Variants in SIK2 observed in about 807,000 individuals in gnomAD.
The protein encoded by SIK2 is serine/threonine-protein kinase SIK2.
In SIK2, 29 loss-of-function variants were observed where a neutral mutation model predicts 103.2. That is an observed-to-expected ratio of 0.28 (90% confidence interval 0.21 to 0.38). The LOEUF (loss-of-function observed/expected upper bound fraction) is 0.38. Ranked by LOEUF, SIK2 falls within the 10% of genes least tolerant of loss-of-function variation. The probability of loss-of-function intolerance (pLI) is 1.00; values close to 1 mark genes in which losing one functional copy is unlikely to be tolerated. For synonymous variants in SIK2, 412 were observed against 446.1 expected (o/e 0.92, Z 0.96); for missense variants, 879 against 1,171.0 (o/e 0.75, Z 3.64).
At chr11:111,636,606 A>G (rs1445532951) in intron 3 of SIK2, among the ~76,000 whole-genome samples, 1 of 152,158 alleles carries the variant, frequency 6.6e-6, no homozygotes, top group African/African-American at 2.4e-5. Context: ...AGGGGAGGGT[A>G]AAGATGTGTT....
At chr11:111,653,363 C>A (rs1942352522) in intron 3 of SIK2, among the ~76,000 whole-genome samples, 1 of 152,220 alleles carries the variant, frequency 6.6e-6, no homozygotes, top group South Asian at 2.1e-4. Flanking sequence ...TTGAGAAAAA[C>A]AACGTTGTAT....
At chr11:111,687,760 C>A (rs1283082095) in intron 3 of SIK2, among the ~76,000 whole-genome samples, 1 of 151,822 alleles carries the variant, frequency 6.6e-6, no homozygotes, top group African/African-American at 2.4e-5. Flanking sequence ...CACCCGCCAC[C>A]ATGCCTGGCT....
chr11:111,609,449 G>C (rs776577893), intron 1 of SIK2, among the ~76,000 whole-genome samples: 28 of 152,004 alleles, frequency 1.8e-4, no homozygotes, highest in Admixed American at 3.9e-4. Context: ...AGCCTTCCAA[G>C]TAGCTGGAAC....
At chr11:111,658,792 T>A (rs1393038897) in intron 3 of SIK2, among the ~76,000 whole-genome samples, 1 of 152,016 alleles carries the variant, frequency 6.6e-6, no homozygotes, top group Admixed American at 6.6e-5. Context: ...CCATAGTGAT[T>A]ATTTTAAGAA....
rs913064012 is a variant in SIK2, at chr11:111,728,864, C to G, written c.*4735C>G. On this transcript the variant is annotated 3_prime_UTR_variant, in exon 15 of 15. Transcript: ENST00000304987. ...GCGTGAACCCGGGAGGTGGAGCTTG[C>G]AGTGAGCCAAGATCGTGCCACTGCA... is the stretch of plus-strand genomic sequence containing the variant. 6.7e-6 allele frequency: 1 copy of G among 149,102 alleles called. No homozygotes were observed. Among genetic ancestry groups the G allele is most frequent in the Non-Finnish European group, 1.5e-5 (1 of 67,738 alleles). The allele number at this position is 149,102 out of a possible 1,614,324, so 9.2% of individuals were successfully genotyped here.
intron 3 of SIK2, among the ~76,000 whole-genome samples, chr11:111,657,807 G>A (rs1942411753): frequency 6.6e-6 from 1 of 152,020 alleles, no homozygotes; most frequent in South Asian, 2.1e-4. Flanking sequence ...AAAGTTATGA[G>A]GTTTATATGA....
intron 3 of SIK2, among the ~76,000 whole-genome samples, chr11:111,668,179 AGTGTGT>A (rs112931431): frequency 3.3e-5 from 5 of 151,032 alleles, no homozygotes; most frequent in Non-Finnish European, 5.9e-5. Context: ...TAAAGTAAGG[AGTGTGT>A]GTGTGTGTGT....
intron 3 of SIK2, among the ~76,000 whole-genome samples, chr11:111,683,951 C>A (rs1351684372): frequency 2.6e-5 from 4 of 152,254 alleles, no homozygotes; most frequent in South Asian, 4.1e-4. Flanking sequence ...TTCAAGGATG[C>A]CTACACTGCA....
At chr11:111,661,293 T>C (rs1040717673) in intron 3 of SIK2, among the ~76,000 whole-genome samples, 12 of 152,202 alleles carry the variant, frequency 7.9e-5, no homozygotes, top group African/African-American at 2.9e-4. Flanking sequence ...GATTGACTGA[T>C]TGATTTTTTA....
At chr11:111,718,927 A>G (rs1943722244) in intron 9 of SIK2, 2 of 152,252 alleles carry the variant, frequency 1.3e-5, no homozygotes, top group African/African-American at 2.4e-5. Flanking sequence ...CACAACCCCC[A>G]TGCCAGTATG....
chr11:111,670,107 A>T (rs1223773199), intron 3 of SIK2, among the ~76,000 whole-genome samples: 1 of 152,198 alleles, frequency 6.6e-6, no homozygotes, highest in Non-Finnish European at 1.5e-5. Flanking sequence ...TGTAAATTAT[A>T]GTCACCCCAC....
At chr11:111,622,121 T>A (rs772709989) in intron 3 of SIK2, among the ~76,000 whole-genome samples, 1 of 152,082 alleles carries the variant, frequency 6.6e-6, no homozygotes, top group Non-Finnish European at 1.5e-5. Context: ...AATTATCTTT[T>A]CAAGAGATTT....
At chr11:111,630,282 A>G (rs377331422) in intron 3 of SIK2, among the ~76,000 whole-genome samples, 23 of 152,194 alleles carry the variant, frequency 1.5e-4, no homozygotes, top group East Asian at 9.6e-4. Context: ...ACACTAATGG[A>G]TAGTAATGAA....
At chr11:111,605,235 T>G (rs755951300) in intron 1 of SIK2, among the ~76,000 whole-genome samples, 3 of 152,170 alleles carry the variant, frequency 2.0e-5, no homozygotes, top group Admixed American at 6.5e-5. Flanking sequence ...AGTGCTGGGA[T>G]TACAGGCGTG....
chr11:111,610,807 T>G (rs1941713638), intron 1 of SIK2, among the ~76,000 whole-genome samples: 1 of 152,162 alleles, frequency 6.6e-6, no homozygotes, highest in Admixed American at 6.5e-5. Context: ...TTGTTCTGGG[T>G]TTTTTCTTAT....
intron 3 of SIK2, among the ~76,000 whole-genome samples, chr11:111,621,453 G>A (rs970622144): frequency 4.0e-5 from 6 of 151,524 alleles, no homozygotes; most frequent in African/African-American, 1.5e-4. Context: ...ATTGCAAGTA[G>A]TATTATATTA....
At position 111,703,384 on chromosome 11, in the gene SIK2, G is replaced by A. The variant is rs986479381; in HGVS notation, c.909G>A (p.Leu303=). The change falls in exon 7 of 15, where the codon CTG becomes CTA. Residue 303 remains leucine, a synonymous_variant. Coordinates refer to ENST00000304987, the MANE Select transcript of SIK2 (RefSeq NM_015191.3). ...IGEFNEQVLR[L]MHSLGIDQQK... ...AGTTTAATGAGCAGGTTCTGCGACT[G>A]ATGCACAGCCTTGGAATAGATCAGC... is the stretch of plus-strand genomic sequence containing the variant. 1 of 1,614,008 alleles carries A rather than the reference G, an allele frequency of 6.2e-7. No homozygotes were observed. The highest frequency in any genetic ancestry group is 8.5e-7 in the Non-Finnish European group (1 of 1,179,918).
rs1943827130 is a variant in SIK2 at position 111,722,342 on chromosome 11, A to G, written c.2056-323A>G. ...AAAGCATAGATCCCGTAAAGGATGA[A>G]TCATTCATTCAGCGGGTGCTGGGGC... On this transcript the variant is annotated intron_variant, in intron 13 of 14. Coordinates refer to ENST00000304987, the MANE Select transcript of SIK2 (RefSeq NM_015191.3). The surrounding 1 kb of genome is among the most constrained non-coding windows in gnomAD (Gnocchi z 4.4). Among the ~76,000 whole-genome samples, 1 of 152,270 alleles carries G rather than the reference A, an allele frequency of 6.6e-6. No homozygotes were observed. Among genetic ancestry groups the G allele is most frequent in the African/African-American group, 2.4e-5 (1 of 41,482 alleles).
chr11:111,700,831 A>G, intron 4 of SIK2, 55 bp from the exon 5 acceptor site: 2 of 1,600,540 alleles, frequency 1.2e-6, no homozygotes, highest in Non-Finnish European at 1.7e-6. Context: ...TTACAGAGAA[A>G]TGCAGTATAG....
Sources: gnomAD v4.1 joint callset for allele counts (sites outside exome capture counted in the v4.1 genomes callset) on GRCh38, gnomAD v4.1.1 for gene constraint, Gnocchi (gnomAD v3.1) non-coding constraint, MANE v1.5 for transcripts, NCBI Gene and HGNC (gene_info 2026-07-23, HGNC 2026-07-21) for gene names.